POFUT3: variants seen among roughly 807,000 people sequenced by gnomAD.
POFUT3 encodes the protein GDP-fucose protein O-fucosyltransferase 3.
At chr8:33,374,976 G>A in the POFUT3 span, among the ~76,000 whole-genome samples, 3 of 151,834 alleles carry the variant, frequency 2.0e-5, no homozygotes, top group South Asian at 4.2e-4. Context: ...CACCTCCTGG[G>A]TTCCAGTGAT....
the POFUT3 span, chr8:33,436,140 T>G: frequency 8.5e-7 from 1 of 1,170,266 alleles, no homozygotes; most frequent in Non-Finnish European, 1.1e-6. Flanking sequence ...GAAGAGAAGG[T>G]CTCAACTTAG....
the POFUT3 span, among the ~76,000 whole-genome samples, chr8:33,308,140 A>G: frequency 6.6e-6 from 1 of 151,936 alleles, no homozygotes; most frequent in Non-Finnish European, 1.5e-5. Context: ...AGGAAGAAAC[A>G]TAATGTTGTT....
the POFUT3 span, among the ~76,000 whole-genome samples, chr8:33,388,481 T>C: frequency 6.6e-6 from 1 of 151,852 alleles, no homozygotes; most frequent in Non-Finnish European, 1.5e-5. Context: ...GGATTACAAG[T>C]GCATGTCACC....
the POFUT3 span, among the ~76,000 whole-genome samples, chr8:33,382,375 T>TA: frequency 6.8e-3 from 793 of 115,942 alleles, 8 homozygotes; most frequent in African/African-American, 0.026. Context: ...TGAAATCCCA[T>TA]AAAATGACAG....
the POFUT3 span, among the ~76,000 whole-genome samples, chr8:33,344,204 A>G: frequency 6.6e-6 from 1 of 152,238 alleles, no homozygotes; most frequent in East Asian, 1.9e-4. Context: ...TTTTTCTCCT[A>G]TTTAAAAAAA....
the POFUT3 span, among the ~76,000 whole-genome samples, chr8:33,418,525 AC>A: frequency 1.3e-5 from 2 of 151,324 alleles, no homozygotes; most frequent in African/African-American, 4.9e-5. Flanking sequence ...CTGGTCTCGA[AC>A]TCCTGGCCTC....
chr8:33,378,508 A>T, the POFUT3 span, among the ~76,000 whole-genome samples: 1 of 152,148 alleles, frequency 6.6e-6, no homozygotes, highest in African/African-American at 2.4e-5. Context: ...AGGCAAGGAC[A>T]CTGGAAAAGC....
the POFUT3 span, among the ~76,000 whole-genome samples, chr8:33,435,842 C>A: frequency 6.6e-6 from 1 of 151,596 alleles, no homozygotes; most frequent in East Asian, 1.9e-4. Flanking sequence ...TATTTTTTTT[C>A]AACTTTTTTT....
chr8:33,351,691 G>A, the POFUT3 span, among the ~76,000 whole-genome samples: 25 of 152,112 alleles, frequency 1.6e-4, no homozygotes, highest in African/African-American at 4.8e-4. Flanking sequence ...CCCAGCCTCC[G>A]ATATTTCTTT....
the POFUT3 span, among the ~76,000 whole-genome samples, chr8:33,321,555 C>T: frequency 2.0e-5 from 3 of 152,144 alleles, no homozygotes; most frequent in African/African-American, 7.2e-5. Context: ...ACTGGCTTCC[C>T]CCAAAGATGC....
At chr8:33,449,576 C>T in the POFUT3 span, among the ~76,000 whole-genome samples, 7 of 152,016 alleles carry the variant, frequency 4.6e-5, no homozygotes, top group African/African-American at 1.4e-4. Context: ...AGGCGTGAGC[C>T]GCCGCGTCTG....
the POFUT3 span, among the ~76,000 whole-genome samples, chr8:33,364,156 C>A: frequency 1.3e-5 from 2 of 151,734 alleles, no homozygotes; most frequent in Non-Finnish European, 2.9e-5. Flanking sequence ...ATAAATAGAA[C>A]CAACGACAAA....
At chr8:33,319,178 A>T in the POFUT3 span, among the ~76,000 whole-genome samples, 5 of 1,736 alleles carry the variant, frequency 2.9e-3, no homozygotes, top group Non-Finnish European at 7.9e-3. Flanking sequence ...TTTATATATT[A>T]TATAAAATAT....
chr8:33,442,686 T>C, the POFUT3 span, among the ~76,000 whole-genome samples: 1 of 151,862 alleles, frequency 6.6e-6, no homozygotes, highest in Non-Finnish European at 1.5e-5. Flanking sequence ...TCTCGAACTC[T>C]TGGGCTCAAG....
At chr8:33,323,522 G>C in the POFUT3 span, among the ~76,000 whole-genome samples, 3 of 152,178 alleles carry the variant, frequency 2.0e-5, no homozygotes, top group Admixed American at 1.3e-4. Context: ...GCAAAGAAAG[G>C]GGACCCTGAT....
the POFUT3 span, among the ~76,000 whole-genome samples, chr8:33,342,711 T>C: frequency 6.6e-6 from 1 of 152,182 alleles, no homozygotes; most frequent in Non-Finnish European, 1.5e-5. Context: ...ACATTGTTAG[T>C]AGGAATGTTA....
chr8:33,380,037 T>TAC, the POFUT3 span, among the ~76,000 whole-genome samples: 6 of 70,662 alleles, frequency 8.5e-5, 1 homozygote, highest in Admixed American at 3.6e-4. Context: ...ACTATATATA[T>TAC]ACGATATATA....
At chr8:33,384,547 T>C in the POFUT3 span, among the ~76,000 whole-genome samples, 2 of 152,126 alleles carry the variant, frequency 1.3e-5, no homozygotes, top group Non-Finnish European at 2.9e-5. Context: ...AGGCCGGGCG[T>C]GGTGGCTCAC....
the POFUT3 span, among the ~76,000 whole-genome samples, chr8:33,357,370 T>C: frequency 8.5e-5 from 13 of 152,054 alleles, no homozygotes; most frequent in African/African-American, 3.1e-4. Flanking sequence ...CTAACTATTC[T>C]AATAAATCTA....
Sources: allele counts gnomAD v4.1 joint callset (sites outside exome capture counted in the v4.1 genomes callset), GRCh38; gene constraint gnomAD v4.1.1; transcripts MANE v1.5; gene names NCBI Gene and HGNC (gene_info 2026-07-23, HGNC 2026-07-21).